The following MTMR12 variants were observed in gnomAD, a reference collection of about 807,000 sequenced individuals.
MTMR12 encodes myotubularin related protein 12.
MTMR12 carries 33 observed loss-of-function variants against 96.7 expected under a neutral mutation model. The ratio of observed to expected loss-of-function variants is 0.34; its 90% CI spans 0.26 to 0.46. The LOEUF (loss-of-function observed/expected upper bound fraction) is 0.46, where lower values mean the gene tolerates loss of function less well. MTMR12 is among the 20% of genes least tolerant of loss of function. The probability of loss-of-function intolerance (pLI) is 1.00; values close to 1 mark genes in which losing one functional copy is unlikely to be tolerated. For synonymous variants in MTMR12, 298 were observed against 327.2 expected (o/e 0.91, Z 0.96); for missense variants, 721 against 896.1 (o/e 0.80, Z 2.49).
intron 8 of MTMR12, among the ~76,000 whole-genome samples, chr5:32,249,295 A>G (rs1036192721): frequency 1.3e-5 from 2 of 152,216 alleles, no homozygotes; most frequent in Non-Finnish European, 2.9e-5. Context: ...TAACAGCAAG[A>G]AACTGAGGCT....
chr5:32,307,480 T>A (rs1236251077), intron 1 of MTMR12, among the ~76,000 whole-genome samples: 3 of 152,098 alleles, frequency 2.0e-5, no homozygotes, highest in African/African-American at 7.2e-5. Context: ...CTCCTATTCA[T>A]CTCAACTTTC....
chr5:32,303,523 G>A (rs1751229315), intron 1 of MTMR12, among the ~76,000 whole-genome samples: 1 of 152,080 alleles, frequency 6.6e-6, no homozygotes, highest in African/African-American at 2.4e-5. Flanking sequence ...CCAATCTCAA[G>A]AGGTTTATTT....
chr5:32,234,035 C>T, intron 14 of MTMR12, 101 bp from the exon 15 acceptor site: 1 of 1,370,362 alleles, frequency 7.3e-7, no homozygotes, highest in Non-Finnish European at 1.0e-6. Flanking sequence ...TCCTGCTCTG[C>T]CCTGAGAATG....
chr5:32,257,350 G>A (rs950930645), intron 7 of MTMR12, among the ~76,000 whole-genome samples: 2 of 152,174 alleles, frequency 1.3e-5, no homozygotes, highest in African/African-American at 4.8e-5. Context: ...AAGAGAGGGT[G>A]AAGCAGGTGG....
chr5:32,301,809 G>A (rs941779066), intron 1 of MTMR12, among the ~76,000 whole-genome samples: 2 of 152,042 alleles, frequency 1.3e-5, no homozygotes, highest in South Asian at 2.1e-4. Flanking sequence ...CACAAGAATC[G>A]CTTGAAACTG....
chr5:32,273,977 T>A lies in MTMR12; in HGVS notation c.285+3A>T. ...AACTCTGCCAAATGCAGCCCATACA[T>A]ACATCATTATCCAATGCAGATTCAT... On this transcript the variant is annotated splice_donor_region_variant and intron_variant, in intron 3 of 15. Coordinates refer to ENST00000382142, the MANE Select transcript of MTMR12 (RefSeq NM_001040446.3). 6.2e-7 allele frequency: 1 copy of A among 1,614,088 alleles called. No homozygotes were observed. Among genetic ancestry groups the A allele is most frequent in the Non-Finnish European group, 8.5e-7 (1 of 1,180,000 alleles).
chr5:32,242,696 C>T (rs1035089263), intron 11 of MTMR12, among the ~76,000 whole-genome samples: 1 of 151,878 alleles, frequency 6.6e-6, no homozygotes, highest in South Asian at 2.1e-4. Flanking sequence ...CCTTCCCACA[C>T]CCCGACTCTT....
At chr5:32,307,856 A>G (rs1459775207) in intron 1 of MTMR12, among the ~76,000 whole-genome samples, 1 of 152,266 alleles carries the variant, frequency 6.6e-6, no homozygotes, top group East Asian at 1.9e-4. Flanking sequence ...TCTCTGGCAT[A>G]CTGAAGGCCA....
chr5:32,272,662 A>G (rs1444526584), intron 3 of MTMR12, among the ~76,000 whole-genome samples: 3 of 152,148 alleles, frequency 2.0e-5, no homozygotes, highest in Admixed American at 6.6e-5. Flanking sequence ...TACAGGTAAG[A>G]GCCACCGCGC....
At chr5:32,288,970 T>C (rs998124823) in intron 1 of MTMR12, among the ~76,000 whole-genome samples, 4 of 152,208 alleles carry the variant, frequency 2.6e-5, no homozygotes, top group African/African-American at 4.8e-5. Flanking sequence ...ATCTGCATCT[T>C]TGAAGAGCCC....
intron 7 of MTMR12, 131 bp downstream of exon 7, chr5:32,262,982 T>C: frequency 8.3e-7 from 1 of 1,205,908 alleles, no homozygotes; most frequent in Non-Finnish European, 1.1e-6. Flanking sequence ...GTATGGAGTT[T>C]CTTTTTGGGA....
chr5:32,296,665 G>GT (rs1387812837), intron 1 of MTMR12, among the ~76,000 whole-genome samples: 1 of 151,446 alleles, frequency 6.6e-6, no homozygotes, highest in Non-Finnish European at 1.5e-5. Context: ...CTTAGGAACA[G>GT]TAACACGTGC....
At chr5:32,293,986 G>C (rs1031963872) in intron 1 of MTMR12, among the ~76,000 whole-genome samples, 23 of 152,328 alleles carry the variant, frequency 1.5e-4, no homozygotes, top group African/African-American at 5.1e-4. Flanking sequence ...CTCACAGCCT[G>C]TGCTCTGCTC....
chr5:32,253,512 T>C (rs1261259277), intron 8 of MTMR12, among the ~76,000 whole-genome samples: 1 of 152,212 alleles, frequency 6.6e-6, no homozygotes, highest in Non-Finnish European at 1.5e-5. Flanking sequence ...GATGTATAAA[T>C]TCCATCTTGT....
At chr5:32,272,088 G>A (rs536618483) in intron 3 of MTMR12, among the ~76,000 whole-genome samples, 183 bp from the exon 4 acceptor site, 11 of 152,062 alleles carry the variant, frequency 7.2e-5, no homozygotes, top group Admixed American at 6.6e-5. Context: ...TCAGGAGATC[G>A]AGACCATCTT....
intron 1 of MTMR12, among the ~76,000 whole-genome samples, chr5:32,286,159 C>T (rs952610183): frequency 2.7e-4 from 41 of 152,092 alleles, no homozygotes; most frequent in East Asian, 5.8e-4. Context: ...GGCAACATGA[C>T]GAAGCCCTGT....
chr5:32,238,648 T>C (rs1340207486), intron 13 of MTMR12, among the ~76,000 whole-genome samples: 1 of 152,236 alleles, frequency 6.6e-6, no homozygotes, highest in Non-Finnish European at 1.5e-5. Flanking sequence ...AATATCTTTT[T>C]ATTGCAAAGA....
At chr5:32,297,128 T>C (rs1217931105) in intron 1 of MTMR12, among the ~76,000 whole-genome samples, 1 of 151,818 alleles carries the variant, frequency 6.6e-6, no homozygotes, top group Non-Finnish European at 1.5e-5. Context: ...AGATATAATT[T>C]ACCAACCATG....
intron 1 of MTMR12, among the ~76,000 whole-genome samples, chr5:32,278,529 T>C (rs1022673007): frequency 2.6e-5 from 4 of 152,164 alleles, no homozygotes; most frequent in African/African-American, 9.7e-5. Context: ...AACTCATTTT[T>C]GAGCATGGTA....
Sources: allele counts gnomAD v4.1 joint callset (sites outside exome capture counted in the v4.1 genomes callset), GRCh38; gene constraint gnomAD v4.1.1; transcripts MANE v1.5; gene names NCBI Gene and HGNC (gene_info 2026-07-23, HGNC 2026-07-21).